ESRRB: variants seen among roughly 807,000 people sequenced by gnomAD.
ESRRB encodes steroid hormone receptor ERR2.
ESRRB carries 16 observed loss-of-function variants against 46.0 expected under a neutral mutation model. That is an observed-to-expected ratio of 0.35 (90% confidence interval 0.24 to 0.53). The LOEUF is 0.53. ESRRB is among the 20% of genes least tolerant of loss of function. ESRRB has a pLI of 0.93. For missense variants in ESRRB, 488 were observed against 607.4 expected (o/e 0.80, Z 2.07); for synonymous variants, 246 against 259.6 (o/e 0.95, Z 0.50).
Position 76,487,245 on chromosome 14 carries a change from A to G in ESRRB, c.851-4202A>G, listed in dbSNP as rs1890054807. On this transcript the variant is annotated intron_variant, in intron 5 of 6. Coordinates refer to ENST00000644823, the MANE Select transcript of ESRRB (RefSeq NM_001379180.1). ...AGTGTTCCACATGTCAGCTCATGTAATCTGAACAACCCCATGAGGTGAGTG... is the reference window on the plus strand; with the variant it reads ...AGTGTTCCACATGTCAGCTCATGTAGTCTGAACAACCCCATGAGGTGAGTG... Among the ~76,000 whole-genome samples, 3 of 152,208 alleles carry G rather than the reference A, an allele frequency of 2.0e-5. No individual in the cohort carries two copies. The South Asian group carries it at 6.2e-4, about 31-fold the overall frequency.
At chr14:76,403,921 G>A (rs8006476) in intron 1 of ESRRB, among the ~76,000 whole-genome samples, 38,373 of 151,976 alleles carry the variant, frequency 0.25, 5,471 homozygotes, top group African/African-American at 0.38. Context: ...GTTTCACCAC[G>A]TTGGCCAGGC....
chr14:76,404,202 G>A (rs56282300), intron 1 of ESRRB, among the ~76,000 whole-genome samples: 45,154 of 151,886 alleles, frequency 0.3, 6,790 homozygotes, highest in African/African-American at 0.32. Flanking sequence ...GCGCGCGTGC[G>A]TGTGTCTTCA....
At chr14:76,335,284 C>T (rs75357641) in intron 1 of ESRRB, among the ~76,000 whole-genome samples, 2 of 152,120 alleles carry the variant, frequency 1.3e-5, no homozygotes, top group African/African-American at 4.8e-5. Context: ...TCTGACCAAC[C>T]CTCTGTTCAT....
intron 1 of ESRRB, among the ~76,000 whole-genome samples, chr14:76,424,966 A>G (rs993830167): frequency 5.9e-5 from 9 of 152,026 alleles, no homozygotes; most frequent in Non-Finnish European, 1.2e-4. Flanking sequence ...CAAACTCCTG[A>G]CCTCAAGCGA....
intron 1 of ESRRB, among the ~76,000 whole-genome samples, chr14:76,396,801 C>T (rs1257057572): frequency 2.6e-5 from 4 of 152,202 alleles, no homozygotes; most frequent in Admixed American, 1.3e-4. Flanking sequence ...CCGGAGCCAG[C>T]GCTGGCGGTA....
In ESRRB at chr14:76,499,982, C is replaced by T. The variant is rs1227141045; in HGVS notation, c.*1524C>T. On this transcript the variant is annotated 3_prime_UTR_variant, in exon 7 of 7. Coordinates refer to ENST00000644823, the MANE Select transcript of ESRRB (RefSeq NM_001379180.1). Reference sequence around the variant, plus strand: ...GGGATCAGAGCAACTCCCCGGGGATCCCCAATCCACGCCCTTCTAGTCCAA... The same window carrying T: ...GGGATCAGAGCAACTCCCCGGGGATTCCCAATCCACGCCCTTCTAGTCCAA... The T allele has an allele frequency of 1.9e-6, 3 of 1,593,466 alleles. No homozygotes were observed. Among genetic ancestry groups the T allele is most frequent in the Non-Finnish European group, 2.6e-6 (3 of 1,169,550 alleles).
chr14:76,326,060 G>A (rs1883926186), intron 1 of ESRRB, among the ~76,000 whole-genome samples: 3 of 152,258 alleles, frequency 2.0e-5, no homozygotes, highest in South Asian at 2.1e-4. Context: ...CCACATGCCC[G>A]GCATCCACCA....
chr14:76,386,454 ATTTTTTT>A (rs10573960), intron 1 of ESRRB, among the ~76,000 whole-genome samples: 1 of 112,884 alleles, frequency 8.9e-6, no homozygotes, highest in Non-Finnish European at 1.8e-5. Flanking sequence ...CGGTTTTTTA[ATTTTTTT>A]TTTTTTTTTT....
At chr14:76,477,447 CATT>C (rs1371463628) in intron 3 of ESRRB, among the ~76,000 whole-genome samples, 6 of 152,202 alleles carry the variant, frequency 3.9e-5, no homozygotes, top group African/African-American at 1.2e-4. Context: ...ATTTTCTCAT[CATT>C]AAGTCATACA....
chr14:76,314,628 C>T (rs1278425944), intron 1 of ESRRB, among the ~76,000 whole-genome samples: 2 of 152,178 alleles, frequency 1.3e-5, no homozygotes, highest in Admixed American at 6.5e-5. Flanking sequence ...GGTTCTCCTG[C>T]TGGCTTTCTT....
Position 76,498,501 on chromosome 14 carries a change from C to T in ESRRB, c.*43C>T, listed in dbSNP as rs559078438. The T allele has an allele frequency of 1.0e-4, 161 of 1,612,642 alleles. 1 individual carries two copies. In the South Asian group the frequency reaches 1.4e-3, roughly 14 times the overall value. On this transcript the variant is annotated 3_prime_UTR_variant, in exon 7 of 7. Transcript: ENST00000644823. ...CAATGCCCACCTACAGACAGACAAA[C>T]GGACAGACCGAGGTGGAGACCTCCA...
chr14:76,332,631 TATATATATTTATATATTATATAAA>T (rs1566853167), intron 1 of ESRRB, among the ~76,000 whole-genome samples: 1,518 of 39,000 alleles, frequency 0.039, 70 homozygotes, highest in Non-Finnish European at 0.051. Flanking sequence ...AAATATATAT[TATATATATTTATATATTATATAAA>T]TATATATTAT....
Position 76,353,176 on chromosome 14 carries a change from A to G in ESRRB, c.2+42260A>G, listed in dbSNP as rs1884335336. On this transcript the variant is annotated intron_variant, in intron 1 of 6. Coordinates refer to the ESRRB transcript ENST00000512784. ...GTCCGGGAGTTGAAACAGCCCCTGG[A>G]TAGAGCTGGGGAGAGGGCAGCACCC... is the stretch of plus-strand genomic sequence containing the variant. Among the ~76,000 whole-genome samples the G allele has an allele frequency of 3.3e-5, 5 of 152,324 alleles. No homozygotes were observed. In the South Asian group the frequency reaches 1.0e-3, roughly 32 times the overall value.
At chr14:76,381,130 C>G (rs1053446121) in intron 1 of ESRRB, among the ~76,000 whole-genome samples, 51 of 152,270 alleles carry the variant, frequency 3.3e-4, no homozygotes, top group African/African-American at 1.2e-3. Context: ...CCTGATGTCC[C>G]CTGTCCCCTG....
intron 5 of ESRRB, among the ~76,000 whole-genome samples, chr14:76,489,481 C>CACACACACACACACACACACA (rs1555344598): frequency 6.4e-5 from 1 of 15,504 alleles, no homozygotes; most frequent in Non-Finnish European, 1.7e-4. Context: ...ACACACACAC[C>CACACACACACACACACACACA]CTGATCCCCT....
chr14:76,374,876 G>C (rs905413050), upstream of ESRRB, among the ~76,000 whole-genome samples: 1 of 152,048 alleles, frequency 6.6e-6, no homozygotes, highest in Non-Finnish European at 1.5e-5. Context: ...CAACCTGCAC[G>C]AGCACATTTA....
At chr14:76,354,931 G>A (rs933658107) in intron 1 of ESRRB, among the ~76,000 whole-genome samples, 1 of 151,860 alleles carries the variant, frequency 6.6e-6, no homozygotes, top group African/African-American at 2.4e-5. Context: ...GGCTGGTCTC[G>A]AACTCCTGAC....
chr14:76,324,719 G>A (rs1051916757), intron 1 of ESRRB, among the ~76,000 whole-genome samples: 2 of 152,168 alleles, frequency 1.3e-5, no homozygotes, highest in African/African-American at 4.8e-5. Flanking sequence ...GCAGAGGAAG[G>A]GGAATCACTC....
At chr14:76,327,789 C>T (rs1002477776) in intron 1 of ESRRB, among the ~76,000 whole-genome samples, 2 of 152,068 alleles carry the variant, frequency 1.3e-5, no homozygotes, top group African/African-American at 2.4e-5. Context: ...CTGCAACCTC[C>T]GTCTCCCAGG....
Sources: gnomAD v4.1 joint callset for allele counts (sites outside exome capture counted in the v4.1 genomes callset) on GRCh38, gnomAD v4.1.1 for gene constraint, MANE v1.5 for transcripts, NCBI Gene and HGNC (gene_info 2026-07-23, HGNC 2026-07-21) for gene names.